CSMD2: variants seen among roughly 807,000 people sequenced by gnomAD.
The protein encoded by CSMD2 is CUB and Sushi multiple domains 2, also known as CUB and sushi domain-containing protein 2.
Under a neutral mutation model 398.5 loss-of-function variants are expected in CSMD2, and 130 were observed. That is an observed-to-expected ratio of 0.33 (90% CI 0.28 to 0.38). CSMD2 has a LOEUF of 0.38. Ranked by LOEUF, CSMD2 falls within the 10% of genes least tolerant of loss-of-function variation. CSMD2 has a pLI of 1.00. For missense variants in CSMD2, 3,829 were observed against 4,764.9 expected, an observed-to-expected ratio of 0.80 and a Z score of 5.78; for synonymous variants, 1,828 against 1,908.5, an observed-to-expected ratio of 0.96 and a Z score of 1.10.
At chr1:34,161,095 T>C (rs1056997832) in intron 1 of CSMD2, among the ~76,000 whole-genome samples, 3 of 152,112 alleles carry the variant, frequency 2.0e-5, no homozygotes, top group African/African-American at 4.8e-5. Context: ...GATGACCATA[T>C]GATAAGGAAG....
intron 5 of CSMD2, among the ~76,000 whole-genome samples, chr1:33,898,447 C>T (rs1463814892): frequency 6.6e-6 from 1 of 152,128 alleles, no homozygotes; most frequent in East Asian, 1.9e-4. Flanking sequence ...CTGACTATCA[C>T]AGATAAAAAT....
At chr1:34,030,501 G>A (rs1214109701) in intron 3 of CSMD2, among the ~76,000 whole-genome samples, 1 of 152,160 alleles carries the variant, frequency 6.6e-6, no homozygotes, top group African/African-American at 2.4e-5. Context: ...AATGCCTGCT[G>A]TATATTCTCC....
At chr1:34,009,930 T>C (rs1647191706) in intron 3 of CSMD2, among the ~76,000 whole-genome samples, 1 of 152,206 alleles carries the variant, frequency 6.6e-6, no homozygotes, top group Non-Finnish European at 1.5e-5. Flanking sequence ...TTTTCCTAAG[T>C]GGGCTCCCAG....
At chr1:33,895,229 G>A (rs1312284458) in intron 5 of CSMD2, among the ~76,000 whole-genome samples, 4 of 152,184 alleles carry the variant, frequency 2.6e-5, no homozygotes. Context: ...GCTCAGAGAG[G>A]TTAAATAGCT....
intron 13 of CSMD2, among the ~76,000 whole-genome samples, chr1:33,757,458 G>A (rs1267925613): frequency 6.6e-6 from 1 of 152,080 alleles, no homozygotes; most frequent in Admixed American, 6.5e-5. Flanking sequence ...GGTTCTCTGG[G>A]ACCTGGAATG....
At chr1:34,119,972 T>A (rs1010864572) in intron 1 of CSMD2, among the ~76,000 whole-genome samples, 1 of 152,246 alleles carries the variant, frequency 6.6e-6, no homozygotes. Context: ...TGTATACCAA[T>A]GTTCATTGCA....
Position 33,514,467 on chromosome 1 carries a change from G to A in CSMD2, c.*2157C>T, listed in dbSNP as rs1346070877. ...TCCCTTCCAAGCCTCTGGAGGTGGAGAGAAATGTCAGGGGTGCGGAGGGTG... is the reference window on the plus strand; with the variant it reads ...TCCCTTCCAAGCCTCTGGAGGTGGAAAGAAATGTCAGGGGTGCGGAGGGTG... On this transcript the variant is annotated 3_prime_UTR_variant, in exon 71 of 71. Coordinates refer to ENST00000373381, the MANE Select transcript of CSMD2 (RefSeq NM_001281956.2). 1 of 151,318 alleles carries A rather than the reference G, an allele frequency of 6.6e-6. No homozygotes were observed. Among genetic ancestry groups the A allele is most frequent in the Non-Finnish European group, 1.5e-5 (1 of 67,896 alleles). 9.4% of individuals were successfully genotyped at this position (151,318 alleles called of 1,614,324 possible).
intron 32 of CSMD2, among the ~76,000 whole-genome samples, chr1:33,627,320 G>A (rs1271677308): frequency 6.6e-6 from 1 of 152,152 alleles, no homozygotes; most frequent in Non-Finnish European, 1.5e-5. Context: ...GTGCAGTACA[G>A]ATGGGCCAGG....
intron 1 of CSMD2, among the ~76,000 whole-genome samples, chr1:34,090,984 C>G (rs1161683724): frequency 6.6e-6 from 1 of 152,200 alleles, no homozygotes; most frequent in Non-Finnish European, 1.5e-5. Flanking sequence ...GCCACAGGAC[C>G]TTTGCGCGGT....
intron 3 of CSMD2, among the ~76,000 whole-genome samples, chr1:33,999,439 T>C (rs1447859256): frequency 6.6e-6 from 1 of 152,216 alleles, no homozygotes; most frequent in Admixed American, 6.5e-5. Flanking sequence ...TCATCCAGGC[T>C]GAAGTGCAGT....
At chr1:33,640,146 G>GC (rs1266055597) in intron 29 of CSMD2, among the ~76,000 whole-genome samples, 4 of 152,152 alleles carry the variant, frequency 2.6e-5, no homozygotes, top group Non-Finnish European at 4.4e-5. Context: ...AATGAGAAGA[G>GC]CCAGCTTCTC....
intron 2 of CSMD2, among the ~76,000 whole-genome samples, chr1:34,061,515 AG>A (rs1205153731): frequency 2.1e-4 from 32 of 149,412 alleles, no homozygotes; most frequent in African/African-American, 7.6e-4. Context: ...AGTGGGGCTC[AG>A]GGGCTCAACT....
At chr1:34,111,038 T>A (rs1163519225) in intron 1 of CSMD2, among the ~76,000 whole-genome samples, 1 of 152,250 alleles carries the variant, frequency 6.6e-6, no homozygotes, top group East Asian at 1.9e-4. Flanking sequence ...TGTAATTTAC[T>A]TATATATTGT....
At position 34,163,206 on chromosome 1, in the gene CSMD2, G is replaced by C. The variant is rs941363527; in HGVS notation, c.187+1705C>G. ...ACCGGCCTCGCCTCAACGTACGTCCGGGAGGCCTGGCGGGAGGTAGCAGCG... is the reference window on the plus strand; with the variant it reads ...ACCGGCCTCGCCTCAACGTACGTCCCGGAGGCCTGGCGGGAGGTAGCAGCG... On this transcript the variant is annotated intron_variant, in intron 1 of 70. Coordinates refer to ENST00000373381, the MANE Select transcript of CSMD2 (RefSeq NM_001281956.2). This position sits in a 1 kb window ranked among gnomAD's most constrained non-coding sequence, Gnocchi z 5.4. Among the ~76,000 whole-genome samples, 3 of 152,362 alleles carry C rather than the reference G, an allele frequency of 2.0e-5. No individual in the cohort carries two copies. The South Asian group carries it at 6.2e-4, about 32-fold the overall frequency.
chr1:33,674,805 C>G, intron 25 of CSMD2, among the ~76,000 whole-genome samples: 1 of 152,234 alleles, frequency 6.6e-6, no homozygotes, highest in African/African-American at 2.4e-5. Context: ...TTAAGAAACT[C>G]ACTCAAAACC....
At chr1:33,675,444 C>A (rs932893051) in intron 25 of CSMD2, among the ~76,000 whole-genome samples, 8 of 152,054 alleles carry the variant, frequency 5.3e-5, no homozygotes, top group Non-Finnish European at 8.8e-5. Context: ...CAATAACAGG[C>A]TCTGAAATTG....
At position 33,629,890 on chromosome 1, in the gene CSMD2, C is replaced by G. The variant is rs186625425; in HGVS notation, c.5201-3309G>C. On this transcript the variant is annotated intron_variant, in intron 32 of 70. Coordinates refer to ENST00000373381, the MANE Select transcript of CSMD2 (RefSeq NM_001281956.2). ...CCCGAGTGGCTGGGATTACAGGCAC[C>G]CACGACCATGCCCAGTGAATTTTTG... Among the ~76,000 whole-genome samples, 697 of 152,044 alleles carry G rather than the reference C, an allele frequency of 4.6e-3. 7 individuals carry two copies. Among genetic ancestry groups the G allele is most frequent in the African/African-American group, 0.016 (657 of 41,506 alleles).
At chr1:33,969,966 C>T (rs1030378747) in intron 3 of CSMD2, among the ~76,000 whole-genome samples, 9 of 151,986 alleles carry the variant, frequency 5.9e-5, no homozygotes, top group South Asian at 2.1e-4. Context: ...TTCAACCGGG[C>T]GTGGTGGTGC....
At chr1:33,759,886 T>C (rs1425881514) in intron 13 of CSMD2, among the ~76,000 whole-genome samples, 21 of 152,110 alleles carry the variant, frequency 1.4e-4, no homozygotes, top group Admixed American at 1.4e-3. Flanking sequence ...CCCAAGCAAA[T>C]AGGGATATAT....
Sources: gnomAD v4.1 joint callset for allele counts (sites outside exome capture counted in the v4.1 genomes callset) on GRCh38, gnomAD v4.1.1 for gene constraint, Gnocchi (gnomAD v3.1) non-coding constraint, MANE v1.5 for transcripts, NCBI Gene and HGNC (gene_info 2026-07-23, HGNC 2026-07-21) for gene names.